Variants in UST observed in about 807,000 individuals in gnomAD.
The protein encoded by UST is chondroitin sulfate 2-O-sulfotransferase.
In UST, 21 loss-of-function variants were observed where a neutral mutation model predicts 45.6. The observed-to-expected ratio is 0.46, with a 90% CI of 0.33 to 0.66. The LOEUF (loss-of-function observed/expected upper bound fraction) is 0.66, where lower values mean the gene tolerates loss of function less well. Among genes scored for constraint, UST ranks in the 30% least tolerant of loss-of-function variants. UST has a pLI of 0.02. For synonymous variants in UST, 215 were observed against 200.6 expected (o/e 1.07, Z -0.61); for missense variants, 463 against 512.4 (o/e 0.90, Z 0.93).
intron 1 of UST, among the ~76,000 whole-genome samples, chr6:148,777,483 T>C (rs1776558026): frequency 6.6e-6 from 1 of 152,252 alleles, no homozygotes; most frequent in Non-Finnish European, 1.5e-5. Context: ...AAAGGATAGA[T>C]GCTTATTCTG....
rs371028357 is a variant in UST, at chr6:148,898,204, G to C, written c.291+11175G>C. Among the ~76,000 whole-genome samples, 27 of 152,310 alleles carry C rather than the reference G, an allele frequency of 1.8e-4. No individual in the cohort carries two copies. The East Asian group carries it at 4.6e-3, about 26-fold the overall frequency. On this transcript the variant is annotated intron_variant, in intron 2 of 7. Transcript: ENST00000367463. ...CTCTGATGAACATGACCTTGAAAGA[G>C]TCCCTTCCACCCTCTCATTTTTTTT...
At chr6:148,875,779 C>T (rs796782576) in intron 1 of UST, among the ~76,000 whole-genome samples, 19 of 152,278 alleles carry the variant, frequency 1.2e-4, no homozygotes, top group African/African-American at 4.3e-4. Context: ...GCTCCCGCTT[C>T]GGCGACACAG....
intron 1 of UST, among the ~76,000 whole-genome samples, chr6:148,762,751 C>T (rs1776245440): frequency 6.7e-6 from 1 of 150,236 alleles, no homozygotes; most frequent in African/African-American, 2.5e-5. Context: ...TCCATGTGTA[C>T]CCATTGTTTA....
intron 2 of UST, among the ~76,000 whole-genome samples, chr6:148,908,052 G>A (rs965551959): frequency 6.6e-6 from 1 of 151,894 alleles, no homozygotes; most frequent in Admixed American, 6.6e-5. Context: ...GGGATTACAG[G>A]TGCCTGCCAC....
At chr6:148,763,327 T>C (rs1454017428) in intron 1 of UST, among the ~76,000 whole-genome samples, 13 of 152,234 alleles carry the variant, frequency 8.5e-5, no homozygotes, top group Admixed American at 7.9e-4. Context: ...TGTCTGTTCA[T>C]GTCCTTTGCC....
intron 7 of UST, among the ~76,000 whole-genome samples, chr6:149,071,648 A>G (rs1225728282): frequency 1.3e-5 from 2 of 152,220 alleles, no homozygotes; most frequent in African/African-American, 4.8e-5. Flanking sequence ...AAAAACTTTT[A>G]TGCATCAAAG....
At chr6:148,783,901 G>T (rs955650724) in intron 1 of UST, among the ~76,000 whole-genome samples, 1 of 152,114 alleles carries the variant, frequency 6.6e-6, no homozygotes, top group Non-Finnish European at 1.5e-5. Flanking sequence ...CATTTTACAG[G>T]TGAAGATGAT....
chr6:148,803,520 A>G (rs907786471), intron 1 of UST, among the ~76,000 whole-genome samples: 1 of 152,156 alleles, frequency 6.6e-6, no homozygotes, highest in Non-Finnish European at 1.5e-5. Flanking sequence ...AGAAGCCACA[A>G]AATTATCTCC....
At chr6:149,016,317 C>T (rs953237568) in intron 5 of UST, among the ~76,000 whole-genome samples, 11 of 152,350 alleles carry the variant, frequency 7.2e-5, no homozygotes, top group African/African-American at 1.9e-4. Context: ...CCTTCTTAGG[C>T]CCCAGTGCCT....
chr6:148,896,565 G>A (rs144653431), intron 2 of UST, among the ~76,000 whole-genome samples: 160 of 152,248 alleles, frequency 1.1e-3, no homozygotes, highest in African/African-American at 3.7e-3. Flanking sequence ...TTCTCAAGAA[G>A]TTTATAATAC....
intron 1 of UST, among the ~76,000 whole-genome samples, chr6:148,882,787 A>C (rs1237877213): frequency 6.6e-6 from 1 of 152,220 alleles, no homozygotes; most frequent in Admixed American, 6.5e-5. Context: ...GGATTAGATA[A>C]AATGATCTTT....
chr6:148,899,075 C>T (rs1052903262), intron 2 of UST, among the ~76,000 whole-genome samples: 3 of 148,056 alleles, frequency 2.0e-5, no homozygotes, highest in African/African-American at 7.5e-5. Context: ...CCCAATATAG[C>T]ATATAGCTAC....
At chr6:148,975,892 A>G (rs183182914) in intron 5 of UST, among the ~76,000 whole-genome samples, 2 of 152,368 alleles carry the variant, frequency 1.3e-5, no homozygotes, top group East Asian at 1.9e-4. Context: ...ATGGCAAAGC[A>G]TATAGGCAAT....
At chr6:148,855,705 A>G (rs1380737235) in intron 1 of UST, among the ~76,000 whole-genome samples, 2 of 152,176 alleles carry the variant, frequency 1.3e-5, no homozygotes, top group Non-Finnish European at 1.5e-5. Flanking sequence ...TTTTCACCTG[A>G]GTTTTGCTCA....
intron 5 of UST, among the ~76,000 whole-genome samples, chr6:149,002,089 T>G (rs1265069401): frequency 6.6e-6 from 1 of 152,130 alleles, no homozygotes; most frequent in Non-Finnish European, 1.5e-5. Flanking sequence ...TATCTTAAGC[T>G]CCTTTGTTAT....
chr6:149,007,222 C>A (rs1466565939), intron 5 of UST, among the ~76,000 whole-genome samples: 1 of 146,094 alleles, frequency 6.8e-6, no homozygotes, highest in South Asian at 2.2e-4. Context: ...CAGGTTCAAG[C>A]GATTCTCCTG....
At chr6:148,769,746 GTGTT>G (rs957849704) in intron 1 of UST, among the ~76,000 whole-genome samples, 1 of 124,256 alleles carries the variant, frequency 8.0e-6, no homozygotes, top group Non-Finnish European at 1.7e-5. Flanking sequence ...GTAGGAGCCT[GTGTT>G]TGTGTGTGTG....
intron 1 of UST, among the ~76,000 whole-genome samples, chr6:148,751,476 G>A (rs548672180): frequency 1.3e-5 from 2 of 152,304 alleles, no homozygotes; most frequent in African/African-American, 4.8e-5. Flanking sequence ...TTCCCCATAG[G>A]AGACAGTGGT....
At chr6:148,747,729 G>C (rs777579459) in intron 1 of UST, 52 bp downstream of exon 1, 1 of 1,505,624 alleles carries the variant, frequency 6.6e-7, no homozygotes, top group Non-Finnish European at 8.8e-7. Context: ...AAAGTTGTGC[G>C]GCGGGGAGAG....
Sources: allele counts gnomAD v4.1 joint callset (sites outside exome capture counted in the v4.1 genomes callset), GRCh38; gene constraint gnomAD v4.1.1; transcripts MANE v1.5; gene names NCBI Gene and HGNC (gene_info 2026-07-23, HGNC 2026-07-21).